The following P2RX4 variants were observed in gnomAD, a reference collection of about 807,000 sequenced individuals.
P2RX4 encodes the protein purinergic receptor P2X 4.
Under a neutral mutation model 48.0 loss-of-function variants are expected in P2RX4, and 37 were observed. The ratio of observed to expected loss-of-function variants is 0.77; its 90% CI spans 0.59 to 1.01. P2RX4 has a LOEUF of 1.01. P2RX4 is among the 50% of genes least tolerant of loss of function. The pLI, the probability that P2RX4 is intolerant of heterozygous loss-of-function variation, is 0.00. For synonymous variants in P2RX4, 200 were observed against 199.7 expected, an observed-to-expected ratio of 1.00 and a Z score of -0.01; for missense variants, 501 against 521.4, an observed-to-expected ratio of 0.96 and a Z score of 0.38.
At chr12:121,221,165 T>TG in intron 2 of P2RX4, among the ~76,000 whole-genome samples, 3 of 99,000 alleles carry the variant, frequency 3.0e-5, no homozygotes, top group African/African-American at 1.1e-4. Context: ...TCTGTGTGTG[T>TG]TTGTGTGTGT....
At position 121,233,850 on chromosome 12, in the gene P2RX4, C is replaced by T; in HGVS notation, c.*301C>T. 2.0e-6 allele frequency: 1 copy of T among 505,838 alleles called. No individual in the cohort carries two copies. Among genetic ancestry groups the T allele is most frequent in the East Asian group, 3.9e-5 (1 of 25,436 alleles). The allele number at this position is 505,838 out of a possible 1,614,324, so 31.3% of individuals were successfully genotyped here. A position where few individuals can be genotyped will look rare whatever the true frequency, so the allele number is the denominator to read the frequency against. ...ACTGCTGTGGCTTTCAGGGCTGGAG[C>T]TGGCTTTGCTCAGAAGCCTCCTGTC... On this transcript the variant is annotated 3_prime_UTR_variant, in exon 12 of 12. Coordinates refer to ENST00000337233, the MANE Select transcript of P2RX4 (RefSeq NM_002560.3).
intron 1 of P2RX4, chr12:121,212,824 A>ATTTTTTTTTTTTTTT (rs1176783368): frequency 3.1e-5 from 1 of 32,262 alleles, no homozygotes; most frequent in African/African-American, 1.7e-4. Context: ...ATATATATAT[A>ATTTTTTTTTTTTTTT]TTTTTTTTTT....
chr12:121,222,377 TTG>T, intron 4 of P2RX4: 2 of 557,388 alleles, frequency 3.6e-6, no homozygotes, highest in Non-Finnish European at 6.3e-6. Flanking sequence ...TTTTTTTTTG[TTG>T]TTGTTGTTGT....
Position 121,229,089 on chromosome 12 carries a change from T to C in P2RX4, c.874T>C (p.Tyr292His), listed in dbSNP as rs142786363. The change falls in exon 8 of 12, where the codon TAC becomes CAC. Residue 292 changes from tyrosine to histidine, a missense_variant. Physicochemically the swap from Tyr to His is moderately conservative, Grantham distance 83. Coordinates refer to ENST00000337233, the MANE Select transcript of P2RX4 (RefSeq NM_002560.3). The surrounding 1 kb of genome is among the most constrained non-coding windows in gnomAD (Gnocchi z 4.6). The stretch of plus-strand genomic sequence containing the variant: ...CGTTGAGCACAACGTATCTCCTGGC[T>C]ACAATTTCAGGTGGGCGTGAGCTTG... ...RDVEHNVSPG[Y>H]NFRFAKYYRD... The C allele has an allele frequency of 6.4e-5, 103 of 1,614,000 alleles. No individual in the cohort carries two copies. Among genetic ancestry groups the C allele is most frequent in the Non-Finnish European group, 8.1e-5 (96 of 1,180,012 alleles).
intron 2 of P2RX4, among the ~76,000 whole-genome samples, chr12:121,221,689 G>C (rs909880554): frequency 6.6e-6 from 1 of 152,170 alleles, no homozygotes; most frequent in Non-Finnish European, 1.5e-5. Context: ...CACCGCGCCC[G>C]ACCTGTTTCC....
At chr12:121,210,431 C>T (rs933402420) in intron 1 of P2RX4, 133 bp downstream of exon 1, 21 of 870,524 alleles carry the variant, frequency 2.4e-5, no homozygotes, top group Middle Eastern at 7.9e-4. Context: ...CTTCCCTGGG[C>T]CCCAGCCGCC....
At position 121,233,224 on chromosome 12, in the gene P2RX4, C is replaced by T. The variant is rs934984069; in HGVS notation, c.1140+132C>T. On this transcript the variant is annotated intron_variant, in intron 11 of 11. Coordinates refer to ENST00000337233, the MANE Select transcript of P2RX4 (RefSeq NM_002560.3). ...GTGTGGCGTGGTGTCCCCGTTAACC[C>T]GGGCAGTCCTGCCACTCTCAGCAGC... 4.5e-5 allele frequency: 31 copies of T among 686,060 alleles called. 1 individual carries two copies. Among genetic ancestry groups the T allele is most frequent in the African/African-American group, 2.2e-4 (12 of 55,760 alleles). The allele number at this position is 686,060 out of a possible 1,614,324, so 42.5% of individuals were successfully genotyped here.
intron 5 of P2RX4, among the ~76,000 whole-genome samples, chr12:121,227,573 T>C (rs1050298956): frequency 6.6e-6 from 1 of 152,192 alleles, no homozygotes; most frequent in African/African-American, 2.4e-5. Context: ...GGCCTACTGA[T>C]TTCCAGTGAG....
rs958135454 is a variant in P2RX4 at position 121,229,289 on chromosome 12, C to T, written c.884+190C>T. 5.9e-5 allele frequency among the ~76,000 whole-genome samples: 9 copies of T among 152,200 alleles called. No homozygotes were observed. The highest frequency in any genetic ancestry group is 2.2e-4 in the African/African-American group (9 of 41,458). ...TAGTGGTGTCCTGCTCCGGGGCCAT[C>T]CCGGCCCCCGAGACCCCTCCTTGCC... On this transcript the variant is annotated intron_variant, in intron 8 of 11. Transcript: ENST00000337233. The surrounding 1 kb of genome is among the most constrained non-coding windows in gnomAD (Gnocchi z 4.6).
At chr12:121,226,969 G>T (rs904790853) in intron 5 of P2RX4, among the ~76,000 whole-genome samples, 16 of 152,074 alleles carry the variant, frequency 1.1e-4, no homozygotes, top group Non-Finnish European at 5.9e-5. Flanking sequence ...GAAAAAATTA[G>T]CCAGGCGTGG....
intron 5 of P2RX4, among the ~76,000 whole-genome samples, chr12:121,227,286 C>T (rs1004193554): frequency 2.6e-5 from 4 of 152,176 alleles, no homozygotes; most frequent in African/African-American, 9.7e-5. Context: ...GGGAACATCC[C>T]CCACAGAAGG....
chr12:121,218,652 G>C (rs1886378243), intron 2 of P2RX4, among the ~76,000 whole-genome samples: 1 of 152,112 alleles, frequency 6.6e-6, no homozygotes, highest in African/African-American at 2.4e-5. Flanking sequence ...AGATGAGGAA[G>C]GGCACAAGCC....
In P2RX4 at chr12:121,221,988, G is replaced by C. The variant is rs760476418; in HGVS notation, c.354+4G>C. The C allele has an allele frequency of 1.9e-6, 3 of 1,613,732 alleles. No individual in the cohort carries two copies. In the South Asian group the frequency reaches 3.3e-5, roughly 18 times the overall value. On this transcript the variant is annotated splice_donor_region_variant and intron_variant, in intron 3 of 11. Coordinates refer to ENST00000337233, the MANE Select transcript of P2RX4 (RefSeq NM_002560.3). The stretch of plus-strand genomic sequence containing the variant: ...GACACAGGGCCTGTGCCCCGAGGTA[G>C]GAGGCCCCCGGGAAGAGCCCCAGGC...
At position 121,232,223 on chromosome 12, in the gene P2RX4, G is replaced by C. The variant is rs1000170918; in HGVS notation, c.885-191G>C. The C allele has an allele frequency of 5.0e-6, 3 of 604,148 alleles. No individual in the cohort carries two copies. The South Asian group carries it at 5.9e-5, about 12-fold the overall frequency. The allele number at this position is 604,148 out of a possible 1,614,324, so 37.4% of individuals were successfully genotyped here. A position where few individuals can be genotyped will look rare whatever the true frequency, so the allele number is the denominator to read the frequency against. ...GAGGAGGAGGTCTCCCTGTGCCCCT[G>C]TACCTCGTGGGCCCCGCATCCTCCT... On this transcript the variant is annotated intron_variant, in intron 8 of 11. Transcript: ENST00000337233. The surrounding 1 kb of genome is among the most constrained non-coding windows in gnomAD (Gnocchi z 4.3).
At chr12:121,210,402 C>T (rs1885747113) in intron 1 of P2RX4, 104 bp downstream of exon 1, 4 of 1,174,558 alleles carry the variant, frequency 3.4e-6, no homozygotes, top group East Asian at 3.3e-5. Flanking sequence ...CCGGGAGCGG[C>T]GAGCCGAGGC....
Position 121,212,913 on chromosome 12 carries a change from C to G in P2RX4, c.134+2615C>G, listed in dbSNP as rs1885983322. Reference sequence around the variant, plus strand: ...CCTGAAGCATTTGGGGGCAGGAGCTCCCCTGCAGCTTTTTGCTTTTGGCGT... The same window carrying G: ...CCTGAAGCATTTGGGGGCAGGAGCTGCCCTGCAGCTTTTTGCTTTTGGCGT... On this transcript the variant is annotated intron_variant, in intron 1 of 11. Coordinates refer to ENST00000337233, the MANE Select transcript of P2RX4 (RefSeq NM_002560.3). 3 of 144,604 alleles carry G rather than the reference C, an allele frequency of 2.1e-5. No homozygotes were observed. In the Admixed American group the frequency reaches 2.2e-4, roughly 10 times the overall value. 9.0% of individuals were successfully genotyped at this position (144,604 alleles called of 1,614,324 possible). A position where few individuals can be genotyped will look rare whatever the true frequency, so the allele number is the denominator to read the frequency against.
chr12:121,232,935 G>T lies in P2RX4; in HGVS notation c.1045-62G>T. On this transcript the variant is annotated intron_variant, in intron 10 of 11. Coordinates refer to ENST00000337233, the MANE Select transcript of P2RX4 (RefSeq NM_002560.3). The surrounding 1 kb of genome is among the most constrained non-coding windows in gnomAD (Gnocchi z 4.3). ...GGCTTCTCAGGAAGGGGCACGCAAA[G>T]AATAAGATGGGTTGATGGGTTGCAA... is the stretch of plus-strand genomic sequence containing the variant. 8.5e-7 allele frequency: 1 copy of T among 1,181,270 alleles called. No homozygotes were observed. The highest frequency in any genetic ancestry group is 1.3e-6 in the Non-Finnish European group (1 of 786,602). 73.2% of individuals were successfully genotyped at this position (1,181,270 alleles called of 1,614,324 possible). A position where few individuals can be genotyped will look rare whatever the true frequency, so the allele number is the denominator to read the frequency against.
intron 5 of P2RX4, among the ~76,000 whole-genome samples, chr12:121,227,060 A>T (rs1887022633): frequency 6.6e-6 from 1 of 151,880 alleles, no homozygotes; most frequent in Non-Finnish European, 1.5e-5. Flanking sequence ...GTGAGCCGAG[A>T]TCGCGGCATT....
At position 121,222,091 on chromosome 12, in the gene P2RX4, C is replaced by T; in HGVS notation, c.355-3C>T. ...ACTTTCTTTTCGCTCCTTCTTTTTC[C>T]AGATTCCAGATGCGACCACTGTGTG... On this transcript the variant is annotated splice_region_variant and splice_polypyrimidine_tract_variant and intron_variant, in intron 3 of 11. Coordinates refer to ENST00000337233, the MANE Select transcript of P2RX4 (RefSeq NM_002560.3). 1 of 1,613,370 alleles carries T rather than the reference C, an allele frequency of 6.2e-7. No homozygotes were observed. Among genetic ancestry groups the T allele is most frequent in the Non-Finnish European group, 8.5e-7 (1 of 1,179,250 alleles).
Sources: allele counts gnomAD v4.1 joint callset (sites outside exome capture counted in the v4.1 genomes callset), GRCh38; gene constraint gnomAD v4.1.1; non-coding constraint Gnocchi (gnomAD v3.1); transcripts MANE v1.5; gene names NCBI Gene and HGNC (gene_info 2026-07-23, HGNC 2026-07-21).